KCNIP1: variants seen among roughly 807,000 people sequenced by gnomAD.
KCNIP1 encodes potassium voltage-gated channel interacting protein 1, also known as A-type potassium channel modulatory protein KCNIP1.
Under a neutral mutation model 33.0 loss-of-function variants are expected in KCNIP1, and 18 were observed. That is an observed-to-expected ratio of 0.55 (90% CI 0.38 to 0.81). The LOEUF (loss-of-function observed/expected upper bound fraction) is 0.81. Among genes scored for constraint, KCNIP1 ranks in the 30% least tolerant of loss-of-function variants. KCNIP1 has a pLI of 0.00. For missense variants in KCNIP1, 238 were observed against 271.6 expected, an observed-to-expected ratio of 0.88 and a Z score of 0.87; for synonymous variants, 93 against 98.3, an observed-to-expected ratio of 0.95 and a Z score of 0.32.
At chr5:170,572,920 A>G (rs1379638864) in intron 1 of KCNIP1, among the ~76,000 whole-genome samples, 1 of 152,232 alleles carries the variant, frequency 6.6e-6, no homozygotes, top group Non-Finnish European at 1.5e-5. Flanking sequence ...TGCCAGGAAC[A>G]TTACCTATAC....
chr5:170,681,307 A>C, intron 1 of KCNIP1: 1 of 391,840 alleles, frequency 2.6e-6, no homozygotes, highest in Non-Finnish European at 4.5e-6. Flanking sequence ...GCCGGGCTGA[A>C]ACAGCGTGGT....
intron 1 of KCNIP1, among the ~76,000 whole-genome samples, chr5:170,421,650 T>G (rs987083939): frequency 5.9e-5 from 9 of 152,144 alleles, no homozygotes; most frequent in Admixed American, 3.9e-4. Flanking sequence ...GGTTCCAGCC[T>G]CATGAACTAA....
chr5:170,597,414 C>T (rs534254816), intron 1 of KCNIP1, among the ~76,000 whole-genome samples: 1 of 152,262 alleles, frequency 6.6e-6, no homozygotes, highest in South Asian at 2.1e-4. Context: ...ATTTCCTGAG[C>T]GCTCTCCCTT....
chr5:170,735,336 C>T (rs527703524), intron 7 of KCNIP1, among the ~76,000 whole-genome samples: 24 of 151,654 alleles, frequency 1.6e-4, no homozygotes, highest in East Asian at 5.8e-4. Context: ...GAAAATATCT[C>T]GAATAAAAAT....
intron 1 of KCNIP1, among the ~76,000 whole-genome samples, chr5:170,708,336 T>C (rs1763328355): frequency 6.6e-6 from 1 of 152,226 alleles, no homozygotes; most frequent in Admixed American, 6.5e-5. Context: ...CAATGTCTAA[T>C]GTAGTCAATA....
intron 1 of KCNIP1, among the ~76,000 whole-genome samples, chr5:170,573,313 C>T (rs765314665): frequency 2.3e-4 from 35 of 152,248 alleles, no homozygotes; most frequent in African/African-American, 6.5e-4. Context: ...CTCTGAAATT[C>T]GAGCACTCTT....
At chr5:170,358,762 G>T (rs1763417143) in intron 1 of KCNIP1, among the ~76,000 whole-genome samples, 2 of 152,314 alleles carry the variant, frequency 1.3e-5, no homozygotes, top group South Asian at 4.1e-4. Context: ...TGGAGGTAGG[G>T]ATTGCAATCA....
intron 1 of KCNIP1, among the ~76,000 whole-genome samples, chr5:170,469,859 A>G (rs530559775): frequency 6.6e-6 from 1 of 152,270 alleles, no homozygotes; most frequent in East Asian, 1.9e-4. Flanking sequence ...GATAAAACCT[A>G]TACTCTTGCA....
chr5:170,437,226 A>C (rs577171390), intron 1 of KCNIP1, among the ~76,000 whole-genome samples: 6 of 152,302 alleles, frequency 3.9e-5, no homozygotes, highest in Admixed American at 3.3e-4. Context: ...GCACCTCTTA[A>C]ATGAAGGTTT....
intron 1 of KCNIP1, among the ~76,000 whole-genome samples, chr5:170,525,654 C>T (rs886986880): frequency 6.6e-6 from 1 of 152,224 alleles, no homozygotes; most frequent in African/African-American, 2.4e-5. Flanking sequence ...TGCAGTGTTG[C>T]AGTGCCAGCC....
At chr5:170,419,993 G>GCGAC in intron 1 of KCNIP1, among the ~76,000 whole-genome samples, 1 of 152,206 alleles carries the variant, frequency 6.6e-6, no homozygotes, top group East Asian at 1.9e-4. Flanking sequence ...GCTTCCCAGT[G>GCGAC]CGACCCTTCC....
chr5:170,642,137 C>T (rs1374367308), intron 1 of KCNIP1: 1 of 152,378 alleles, frequency 6.6e-6, no homozygotes, highest in East Asian at 1.9e-4. Context: ...ACTGAAATGT[C>T]AAAGGGTCCT....
At chr5:170,620,896 A>G (rs114125852) in intron 1 of KCNIP1, among the ~76,000 whole-genome samples, 9 of 152,254 alleles carry the variant, frequency 5.9e-5, no homozygotes, top group Non-Finnish European at 1.0e-4. Context: ...GGATGCAGGT[A>G]TCCTCTTGAC....
intron 3 of KCNIP1, among the ~76,000 whole-genome samples, chr5:170,720,600 A>AAGGGCTGAT (rs1763787177): frequency 6.6e-6 from 1 of 152,216 alleles, no homozygotes; most frequent in Non-Finnish European, 1.5e-5. Context: ...GAAGGGGAAG[A>AAGGGCTGAT]AGGGCTGATA....
intron 1 of KCNIP1, among the ~76,000 whole-genome samples, chr5:170,572,497 AT>A (rs1352937463): frequency 1.3e-5 from 2 of 152,172 alleles, no homozygotes; most frequent in Admixed American, 6.5e-5. Context: ...AAGGAAAAAT[AT>A]TTATAACCTG....
chr5:170,725,876 C>G (rs1051236439), intron 5 of KCNIP1, among the ~76,000 whole-genome samples: 1 of 151,936 alleles, frequency 6.6e-6, no homozygotes, highest in East Asian at 1.9e-4. Flanking sequence ...GCAACAGATG[C>G]CAAAAAGATC....
chr5:170,734,740 G>A (rs767998978), intron 7 of KCNIP1, among the ~76,000 whole-genome samples: 1 of 152,222 alleles, frequency 6.6e-6, no homozygotes, highest in Non-Finnish European at 1.5e-5. Context: ...CAGATACTGA[G>A]CCCCCATCAA....
intron 1 of KCNIP1, among the ~76,000 whole-genome samples, chr5:170,667,872 T>A (rs923848149): frequency 2.0e-5 from 3 of 152,208 alleles, no homozygotes; most frequent in Non-Finnish European, 4.4e-5. Context: ...ACTCTTCCGG[T>A]TGCAAGTACA....
At chr5:170,470,506 G>C (rs774473036) in intron 1 of KCNIP1, among the ~76,000 whole-genome samples, 10 of 152,208 alleles carry the variant, frequency 6.6e-5, no homozygotes, top group Non-Finnish European at 1.3e-4. Context: ...ATTGCAGCCA[G>C]AGAAAGTGAG....
Sources: allele counts gnomAD v4.1 joint callset (sites outside exome capture counted in the v4.1 genomes callset), GRCh38; gene constraint gnomAD v4.1.1; transcripts MANE v1.5; gene names NCBI Gene and HGNC (gene_info 2026-07-23, HGNC 2026-07-21).